SLC36A3: variants seen among roughly 807,000 people sequenced by gnomAD.
The protein encoded by SLC36A3 is solute carrier family 36 member 3.
Under a neutral mutation model 44.3 loss-of-function variants are expected in SLC36A3, and 35 were observed. The ratio of observed to expected loss-of-function variants is 0.79; its 90% CI spans 0.60 to 1.05. SLC36A3 has a LOEUF of 1.05. Among genes scored for constraint, SLC36A3 ranks in the 50% least tolerant of loss-of-function variants. The pLI, the probability that SLC36A3 is intolerant of heterozygous loss-of-function variation, is 0.00. For synonymous variants in SLC36A3, 211 were observed against 227.6 expected (o/e 0.93, Z 0.66); for missense variants, 540 against 578.7 (o/e 0.93, Z 0.69).
intron 9 of SLC36A3, among the ~76,000 whole-genome samples, chr5:151,280,641 A>G (rs1754273266): frequency 6.6e-6 from 1 of 152,236 alleles, no homozygotes; most frequent in Non-Finnish European, 1.5e-5. Flanking sequence ...CTTAGTGTGT[A>G]TGACTCAGGT....
chr5:151,291,224 C>T (rs905305994), intron 4 of SLC36A3, among the ~76,000 whole-genome samples: 13 of 152,142 alleles, frequency 8.5e-5, no homozygotes, highest in African/African-American at 3.1e-4. Context: ...TCAAGAGATC[C>T]TCCCACCTTG....
intron 4 of SLC36A3, among the ~76,000 whole-genome samples, chr5:151,292,814 T>C (rs757897622): frequency 3.9e-5 from 6 of 152,186 alleles, no homozygotes; most frequent in Non-Finnish European, 7.3e-5. Context: ...TGAAACCCTG[T>C]CTCTACTAAA....
rs1346062012 is a variant in SLC36A3, at chr5:151,276,406, T to C, written c.*987A>G. ...TTCAGCATATTTATTTTAAGATTCA[T>C]ACATTTTATTGTGTATTTCAACAGT... On this transcript the variant is annotated 3_prime_UTR_variant, in exon 10 of 10. Transcript: ENST00000335230. Among the ~76,000 whole-genome samples, 1 of 152,276 alleles carries C rather than the reference T, an allele frequency of 6.6e-6. No homozygotes were observed. The highest frequency in any genetic ancestry group is 1.5e-5 in the Non-Finnish European group (1 of 68,034).
intron 1 of SLC36A3, among the ~76,000 whole-genome samples, chr5:151,299,264 C>CTCTCTCTCTCTCTATATA (rs1372309288): frequency 1.0e-3 from 60 of 59,636 alleles, no homozygotes; most frequent in Non-Finnish European, 1.6e-3. Flanking sequence ...CTCTCTCTCT[C>CTCTCTCTCTCTCTATATA]TATATATATA....
Position 151,287,281 on chromosome 5 carries a change from C to T in SLC36A3, c.673G>A (p.Gly225Arg). ...TACTCAAAGATCAGAGCCATGCTCC[C>T]AAGGGTGGTGATGTTGGCCAATGTC... ...FSTLANITTLGSMALIFEYIM... is the reference protein window; with the variant it reads ...FSTLANITTLRSMALIFEYIM... The change falls in exon 6 of 10, where the codon GGG becomes AGG. Residue 225 changes from glycine to arginine, a missense_variant. Transcript: ENST00000335230. 1 of 1,614,094 alleles carries T rather than the reference C, an allele frequency of 6.2e-7. No individual in the cohort carries two copies. The highest frequency in any genetic ancestry group is 8.5e-7 in the Non-Finnish European group (1 of 1,180,022).
intron 1 of SLC36A3, among the ~76,000 whole-genome samples, chr5:151,300,433 C>T (rs1755131553): frequency 1.3e-5 from 2 of 152,120 alleles, no homozygotes. Flanking sequence ...GGGTGGGCAC[C>T]CATTGTCCCT....
intron 1 of SLC36A3, among the ~76,000 whole-genome samples, chr5:151,300,021 A>G (rs1755117444): frequency 6.6e-6 from 1 of 152,250 alleles, no homozygotes; most frequent in Non-Finnish European, 1.5e-5. Context: ...AAAGGCAAGC[A>G]TGGGCTGGTT....
intron 7 of SLC36A3, 122 bp from the exon 8 acceptor site, chr5:151,284,332 G>A: frequency 1.0e-6 from 1 of 968,686 alleles, no homozygotes; most frequent in South Asian, 1.6e-5. Context: ...TCAGAAAGGG[G>A]ACTCTCCACA....
At chr5:151,281,206 T>A (rs1171559442) in intron 8 of SLC36A3, 23 bp from the exon 9 acceptor site, 2 of 1,588,056 alleles carry the variant, frequency 1.3e-6, no homozygotes, top group East Asian at 4.5e-5. Flanking sequence ...GAATTGGATG[T>A]GAAAGGTGAT....
intron 1 of SLC36A3, among the ~76,000 whole-genome samples, chr5:151,299,372 GAT>G (rs3051898): frequency 0.017 from 2,278 of 136,496 alleles, 31 homozygotes; most frequent in African/African-American, 0.026. Context: ...TGAGCATGGT[GAT>G]ATATATATAT....
intron 1 of SLC36A3, among the ~76,000 whole-genome samples, chr5:151,299,256 C>CTATATATATA (rs1394218183): frequency 6.5e-5 from 5 of 76,592 alleles, no homozygotes; most frequent in African/African-American, 1.0e-4. Context: ...CTCTCTCTCT[C>CTATATATATA]TCTCTCTCTA....
chr5:151,295,993 G>T (rs1030934722), intron 3 of SLC36A3, among the ~76,000 whole-genome samples, 187 bp downstream of exon 3: 1 of 152,220 alleles, frequency 6.6e-6, no homozygotes, highest in Admixed American at 6.5e-5. Flanking sequence ...TAGCAGCAGC[G>T]TTGGATCTGT....
Position 151,299,260 on chromosome 5 carries a change from C to CTA in SLC36A3, c.129-578_129-577insTA, listed in dbSNP as rs1418346991. Among the ~76,000 whole-genome samples, 306 of 65,380 alleles carry CTA rather than the reference C, an allele frequency of 4.7e-3. 1 individual carries two copies. The highest frequency in any genetic ancestry group is 7.1e-3 in the East Asian group (13 of 1,824). The allele number at this position is 65,380 out of a possible 152,430, so 42.9% of individuals were successfully genotyped here. A position where few individuals can be genotyped will look rare whatever the true frequency, so the allele number is the denominator to read the frequency against. On this transcript the variant is annotated intron_variant, in intron 1 of 9. Transcript: ENST00000335230. The stretch of plus-strand genomic sequence containing the variant: ...TCTCTCTCTCTCTCTCTCTCTCTCT[C>CTA]TCTCTATATATATATATATATATAT...
At chr5:151,291,687 A>T (rs1220176296) in intron 4 of SLC36A3, among the ~76,000 whole-genome samples, 2 of 152,112 alleles carry the variant, frequency 1.3e-5, no homozygotes, top group Non-Finnish European at 1.5e-5. Context: ...GTGGGCTATT[A>T]TGAGACACAC....
intron 6 of SLC36A3, among the ~76,000 whole-genome samples, chr5:151,285,381 G>C (rs1452494751): frequency 6.6e-6 from 1 of 152,214 alleles, no homozygotes; most frequent in Non-Finnish European, 1.5e-5. Flanking sequence ...GAGGAGAGGG[G>C]AATTGCCCAA....
chr5:151,292,019 C>T (rs572060996), intron 4 of SLC36A3, among the ~76,000 whole-genome samples: 11 of 152,228 alleles, frequency 7.2e-5, no homozygotes, highest in African/African-American at 2.6e-4. Flanking sequence ...CACCACCAAG[C>T]CTGGCTAATT....
intron 6 of SLC36A3, 78 bp from the exon 7 acceptor site, chr5:151,284,789 G>T: frequency 9.7e-7 from 1 of 1,031,826 alleles, no homozygotes; most frequent in Non-Finnish European, 1.5e-6. Context: ...GTAGAAAGCT[G>T]GGTCACACCT....
intron 8 of SLC36A3, among the ~76,000 whole-genome samples, chr5:151,282,932 T>A (rs998266447): frequency 4.0e-5 from 6 of 151,814 alleles, no homozygotes; most frequent in African/African-American, 1.5e-4. Context: ...TCACCTAGGC[T>A]GGAATGCAAT....
At chr5:151,288,329 G>A in intron 5 of SLC36A3, 57 bp downstream of exon 5, 1 of 1,377,946 alleles carries the variant, frequency 7.3e-7, no homozygotes, top group Non-Finnish European at 1.0e-6. Context: ...TGCTAATGTA[G>A]CCTCAGCAGC....
Sources: gnomAD v4.1 joint callset for allele counts (sites outside exome capture counted in the v4.1 genomes callset) on GRCh38, gnomAD v4.1.1 for gene constraint, MANE v1.5 for transcripts, NCBI Gene and HGNC (gene_info 2026-07-23, HGNC 2026-07-21) for gene names.